The following RNF149 variants were observed in gnomAD, a reference collection of about 807,000 sequenced individuals.
RNF149 encodes the protein E3 ubiquitin-protein ligase RNF149.
RNF149 carries 21 observed loss-of-function variants against 39.0 expected under a neutral mutation model. The observed-to-expected ratio is 0.54, with a 90% CI of 0.38 to 0.77. The LOEUF (loss-of-function observed/expected upper bound fraction) is 0.77, where lower values mean the gene tolerates loss of function less well. Ranked by LOEUF, RNF149 falls within the 30% of genes least tolerant of loss-of-function variation. The pLI is 0.00. For synonymous variants in RNF149, 209 were observed against 213.6 expected (o/e 0.98, Z 0.19); for missense variants, 493 against 534.9 (o/e 0.92, Z 0.77).
At chr2:101,296,492 T>C (rs1038146300) in intron 1 of RNF149, among the ~76,000 whole-genome samples, 3 of 152,174 alleles carry the variant, frequency 2.0e-5, no homozygotes, top group Non-Finnish European at 4.4e-5. Flanking sequence ...ATTAAAACAT[T>C]GTGGCTGTAG....
At chr2:101,307,431 G>A (rs1205769953) in intron 1 of RNF149, among the ~76,000 whole-genome samples, 1 of 152,150 alleles carries the variant, frequency 6.6e-6, no homozygotes, top group East Asian at 1.9e-4. Flanking sequence ...CTCCCACCTC[G>A]GCCTCCCAAA....
chr2:101,276,008 A>G lies in RNF149; in HGVS notation c.*1230T>C, dbSNP rs1296318330. Reference sequence around the variant, plus strand: ...CATGATGAGTAGCTAGAATTAAAGCATTAAGTAGCTTGAGAAAATAATCTA... The same window carrying G: ...CATGATGAGTAGCTAGAATTAAAGCGTTAAGTAGCTTGAGAAAATAATCTA... On this transcript the variant is annotated 3_prime_UTR_variant, in exon 7 of 7. Coordinates refer to ENST00000295317, the MANE Select transcript of RNF149 (RefSeq NM_173647.4). 1.1e-6 allele frequency: 1 copy of G among 910,972 alleles called. No individual in the cohort carries two copies. The highest frequency in any genetic ancestry group is 1.3e-6 in the Non-Finnish European group (1 of 762,426). 56.4% of individuals were successfully genotyped at this position (910,972 alleles called of 1,614,324 possible). A position where few individuals can be genotyped will look rare whatever the true frequency, so the allele number is the denominator to read the frequency against.
At chr2:101,301,192 A>G (rs1465874004) in intron 1 of RNF149, among the ~76,000 whole-genome samples, 1 of 151,518 alleles carries the variant, frequency 6.6e-6, no homozygotes, top group East Asian at 1.9e-4. Context: ...AAAAGAACCT[A>G]TACACCTTGG....
At chr2:101,287,278 C>T (rs1183979402) in intron 4 of RNF149, among the ~76,000 whole-genome samples, 1 of 152,182 alleles carries the variant, frequency 6.6e-6, no homozygotes, top group Non-Finnish European at 1.5e-5. Flanking sequence ...GCCAAGATCA[C>T]ACCCCTTGTA....
downstream of RNF149, among the ~76,000 whole-genome samples, chr2:101,275,110 T>TG (rs1682280809): frequency 6.1e-5 from 6 of 97,640 alleles, no homozygotes; most frequent in African/African-American, 2.3e-4. Context: ...CTAGTATTTC[T>TG]GTTTTTTTTT....
chr2:101,272,507 G>C (rs188159825), downstream of RNF149, among the ~76,000 whole-genome samples: 4 of 152,078 alleles, frequency 2.6e-5, no homozygotes, highest in African/African-American at 9.7e-5. Flanking sequence ...TAAGTACCTG[G>C]GTTGTTGTAG....
At chr2:101,280,659 T>C (rs1338276762) in intron 6 of RNF149, among the ~76,000 whole-genome samples, 1 of 151,992 alleles carries the variant, frequency 6.6e-6, no homozygotes, top group Non-Finnish European at 1.5e-5. Flanking sequence ...GAGAAATACA[T>C]AAAATATATG....
chr2:101,277,253 T>C lies in RNF149; in HGVS notation c.1188A>G (p.Gly396=), dbSNP rs780988529. ...GGCACGTGTGCTAGGAGATGGGTCC[T>C]CCATGCCGAGAGTCACTCCTGCCGG... ...LEAGRSDSRH[G]GPIS is the part of the protein sequence containing the mutation. Residue 396 remains glycine, a synonymous_variant, in exon 7 of 7, where the codon GGA becomes GGG. Transcript: ENST00000295317. 2 of 1,613,548 alleles carry C rather than the reference T, an allele frequency of 1.2e-6. No homozygotes were observed. The highest frequency in any genetic ancestry group is 2.2e-5 in the South Asian group (2 of 90,984).
chr2:101,275,801 T>G lies in RNF149; in HGVS notation c.*1437A>C, dbSNP rs1682326786. 2.0e-6 allele frequency: 2 copies of G among 976,388 alleles called. No homozygotes were observed. Among genetic ancestry groups the G allele is most frequent in the African/African-American group, 3.5e-5 (2 of 57,064 alleles). The allele number at this position is 976,388 out of a possible 1,614,324, so 60.5% of individuals were successfully genotyped here. ...CTACTTGCTACAGAATCAGGATGTA[T>G]TTTCCTATTTATAATAAACTACAGA... is the stretch of plus-strand genomic sequence containing the variant. On this transcript the variant is annotated 3_prime_UTR_variant, in exon 7 of 7. Coordinates refer to ENST00000295317, the MANE Select transcript of RNF149 (RefSeq NM_173647.4).
intron 6 of RNF149, among the ~76,000 whole-genome samples, chr2:101,277,659 G>C (rs577939817): frequency 6.6e-6 from 1 of 152,168 alleles, no homozygotes; most frequent in East Asian, 1.9e-4. Flanking sequence ...AAAATGCTGG[G>C]ATTACAGGCA....
intron 5 of RNF149, among the ~76,000 whole-genome samples, chr2:101,284,600 A>C (rs1163003215): frequency 2.6e-5 from 4 of 152,088 alleles, no homozygotes; most frequent in Admixed American, 2.6e-4. Flanking sequence ...AACAAATCAT[A>C]ATTCATAGAG....
chr2:101,297,773 C>A (rs1213942780), intron 1 of RNF149, among the ~76,000 whole-genome samples: 1 of 152,160 alleles, frequency 6.6e-6, no homozygotes. Context: ...GTTGTATGTA[C>A]AACCATCATC....
In RNF149 at chr2:101,308,650, G is replaced by C; in HGVS notation, c.-62C>G. ...CACGCGCGAGTGCGGTGCAGTCGAA[G>C]AGCAGAGAGAAGCGGACACCCACCG... On this transcript the variant is annotated 5_prime_UTR_variant, in exon 1 of 7. Coordinates refer to ENST00000295317, the MANE Select transcript of RNF149 (RefSeq NM_173647.4). The C allele has an allele frequency of 9.4e-6, 13 of 1,381,588 alleles. No individual in the cohort carries two copies. Among genetic ancestry groups the C allele is most frequent in the South Asian group, 3.0e-5 (2 of 66,246 alleles). 85.6% of individuals were successfully genotyped at this position (1,381,588 alleles called of 1,614,324 possible).
chr2:101,285,493 T>C (rs1207270884), intron 5 of RNF149, among the ~76,000 whole-genome samples: 1 of 152,146 alleles, frequency 6.6e-6, no homozygotes, highest in Non-Finnish European at 1.5e-5. Flanking sequence ...GCTGTGAGGA[T>C]TAGACATAAC....
chr2:101,276,772 AAAAAAAAAACAAC>A lies in RNF149; in HGVS notation c.*453_*465del. On this transcript the variant is annotated 3_prime_UTR_variant, in exon 7 of 7. Coordinates refer to ENST00000295317, the MANE Select transcript of RNF149 (RefSeq NM_173647.4). ...CTCAGTTTACAAGTTTCAAGTTCTTAAAAAAAAAACAACAAAAAAAACCTTTCCTCCAGGGAAA... is the reference window on the plus strand; with the variant it reads ...CTCAGTTTACAAGTTTCAAGTTCTTAAAAAAAAACCTTTCCTCCAGGGAAA... The A allele has an allele frequency of 1.1e-6, 1 of 930,652 alleles. No homozygotes were observed. Among genetic ancestry groups the A allele is most frequent in the Non-Finnish European group, 1.3e-6 (1 of 780,360 alleles). The allele number at this position is 930,652 out of a possible 1,614,324, so 57.6% of individuals were successfully genotyped here. A position where few individuals can be genotyped will look rare whatever the true frequency, so the allele number is the denominator to read the frequency against.
chr2:101,290,151 C>T (rs1682952467), intron 3 of RNF149, among the ~76,000 whole-genome samples: 1 of 152,120 alleles, frequency 6.6e-6, no homozygotes, highest in Non-Finnish European at 1.5e-5. Flanking sequence ...CTGCCCTCCA[C>T]CCTGGTGACA....
intron 6 of RNF149, among the ~76,000 whole-genome samples, chr2:101,280,260 A>T (rs1682529892): frequency 6.6e-6 from 1 of 152,050 alleles, no homozygotes; most frequent in South Asian, 2.1e-4. Flanking sequence ...AAGAATAAAG[A>T]TGAAGGAAAT....
chr2:101,289,007 T>C lies in RNF149; in HGVS notation c.829A>G (p.Lys277Glu), dbSNP rs778192023. Residue 277 changes from lysine to glutamate, a missense_variant, in exon 4 of 7, where the codon AAA (lysine) becomes GAA (glutamate). By Grantham distance (56) the Lys-to-Glu change is moderately conservative. Coordinates refer to ENST00000295317, the MANE Select transcript of RNF149 (RefSeq NM_173647.4). ...AGAATTCTAATAATATCCTTTACTT[T>C]GAAATTTTCAATACACACTGCACAA... is the stretch of plus-strand genomic sequence containing the variant. Reference protein sequence around the residue: ...ENCAVCIENFKVKDIIRILPC... With the variant: ...ENCAVCIENFEVKDIIRILPC... 2 of 1,591,564 alleles carry C rather than the reference T, an allele frequency of 1.3e-6. No homozygotes were observed. Among genetic ancestry groups the C allele is most frequent in the South Asian group, 1.1e-5 (1 of 89,742 alleles).
At chr2:101,289,893 C>T (rs899118446) in intron 3 of RNF149, among the ~76,000 whole-genome samples, 1 of 151,792 alleles carries the variant, frequency 6.6e-6, no homozygotes, top group Non-Finnish European at 1.5e-5. Flanking sequence ...TTAAAATGAA[C>T]TTTCACAGCC....
Sources: allele counts gnomAD v4.1 joint callset (sites outside exome capture counted in the v4.1 genomes callset), GRCh38; gene constraint gnomAD v4.1.1; transcripts MANE v1.5; gene names NCBI Gene and HGNC (gene_info 2026-07-23, HGNC 2026-07-21).